Variants in LRRC37A2 observed in about 807,000 individuals in gnomAD.
The protein encoded by LRRC37A2 is leucine-rich repeat-containing protein 37A2.
Under a neutral mutation model 68.8 loss-of-function variants are expected in LRRC37A2, and 9 were observed. The observed-to-expected ratio is 0.13, with a 90% CI of 0.08 to 0.23. The LOEUF (loss-of-function observed/expected upper bound fraction) is 0.23. Among genes scored for constraint, LRRC37A2 ranks in the 10% least tolerant of loss-of-function variants. The probability of loss-of-function intolerance (pLI) is 1.00; values close to 1 mark genes in which losing one functional copy is unlikely to be tolerated. For missense variants in LRRC37A2, 168 were observed against 950.4 expected (o/e 0.18, Z 10.82); for synonymous variants, 63 against 367.6 (o/e 0.17, Z 9.48).
At chr17:47,038,527 AG>A in the LRRC37A2 span, among the ~76,000 whole-genome samples, 4 of 151,118 alleles carry the variant, frequency 2.6e-5, no homozygotes, top group East Asian at 7.8e-4. Flanking sequence ...ATAACGTTGT[AG>A]TTCAGATTAA....
At chr17:46,987,480 A>C in the LRRC37A2 span, among the ~76,000 whole-genome samples, 1 of 152,200 alleles carries the variant, frequency 6.6e-6, no homozygotes, top group Non-Finnish European at 1.5e-5. Context: ...TACAATAAGA[A>C]AAAAATTATA....
chr17:46,771,897 C>A, the LRRC37A2 span, among the ~76,000 whole-genome samples: 2 of 145,548 alleles, frequency 1.4e-5, no homozygotes, highest in Non-Finnish European at 3.1e-5. Flanking sequence ...CGCCCCTGCC[C>A]CCGCCCCCGC....
chr17:46,997,894 CA>C, the LRRC37A2 span, among the ~76,000 whole-genome samples: 4 of 150,316 alleles, frequency 2.7e-5, no homozygotes, highest in Admixed American at 2.7e-4. Context: ...TGTTTGAACC[CA>C]GGAGGCAGAG....
At chr17:46,808,967 TGGG>T in the LRRC37A2 span, among the ~76,000 whole-genome samples, 2 of 152,068 alleles carry the variant, frequency 1.3e-5, no homozygotes, top group African/African-American at 4.8e-5. Context: ...CTGAGCCAAG[TGGG>T]GTCCGAGCTG....
chr17:46,823,147 T>C, the LRRC37A2 span, among the ~76,000 whole-genome samples: 1 of 129,726 alleles, frequency 7.7e-6, no homozygotes, highest in Non-Finnish European at 1.6e-5. Context: ...TTATATTATA[T>C]ATATTTATAT....
chr17:47,000,075 A>T, the LRRC37A2 span, among the ~76,000 whole-genome samples: 7 of 6,660 alleles, frequency 1.1e-3, 2 homozygotes, highest in South Asian at 0.013. Flanking sequence ...AAAATAAAAT[A>T]AAAAATAAAA....
chr17:46,761,129 G>A, the LRRC37A2 span, among the ~76,000 whole-genome samples: 1 of 152,170 alleles, frequency 6.6e-6, no homozygotes, highest in African/African-American at 2.4e-5. Flanking sequence ...TATCCTGTAC[G>A]TGTCCGATTC....
At chr17:46,851,664 T>C in the LRRC37A2 span, 1 of 1,292,950 alleles carries the variant, frequency 7.7e-7, no homozygotes, top group Non-Finnish European at 9.8e-7. This position sits in a 1 kb window ranked among gnomAD's most constrained non-coding sequence, Gnocchi z 4.3. Flanking sequence ...GCGCTGGCCC[T>C]GGCCGGGCTC....
chr17:46,931,948 T>C, the LRRC37A2 span: 1 of 835,834 alleles, frequency 1.2e-6, no homozygotes, highest in Non-Finnish European at 2.1e-6. Context: ...GGGGGTATAG[T>C]GTGGGGTGGT....
chr17:46,819,529 T>C, the LRRC37A2 span, among the ~76,000 whole-genome samples: 1 of 151,966 alleles, frequency 6.6e-6, no homozygotes, highest in Non-Finnish European at 1.5e-5. This position sits in a 1 kb window ranked among gnomAD's most constrained non-coding sequence, Gnocchi z 5.3. Context: ...ACAGCCTCAG[T>C]GGGATTCTCG....
At chr17:46,498,868 T>C in the LRRC37A2 span, among the ~76,000 whole-genome samples, 109 of 150,916 alleles carry the variant, frequency 7.2e-4, 5 homozygotes, top group African/African-American at 2.6e-3. Context: ...AGACTTTCAA[T>C]GTATGTAGAT....
chr17:46,979,268 C>G, the LRRC37A2 span: 3 of 323,476 alleles, frequency 9.3e-6, 1 homozygote, highest in African/African-American at 4.3e-5. Context: ...AGCGGTCGCC[C>G]GCTGGGTTCC....
At chr17:46,772,130 C>T in the LRRC37A2 span, among the ~76,000 whole-genome samples, 2 of 152,156 alleles carry the variant, frequency 1.3e-5, no homozygotes, top group African/African-American at 4.8e-5. Flanking sequence ...CGGAGCTGGG[C>T]GCGAACCTGG....
At chr17:46,876,225 C>G in the LRRC37A2 span, 2 of 1,583,862 alleles carry the variant, frequency 1.3e-6, no homozygotes, top group African/African-American at 1.3e-5. Context: ...GACCACGCCT[C>G]TGTTCTGCCT....
At chr17:46,875,177 T>C in the LRRC37A2 span, 1 of 1,613,998 alleles carries the variant, frequency 6.2e-7, no homozygotes, top group Middle Eastern at 1.6e-4. Context: ...CCTGCAGCGC[T>C]GGGCGCATGG....
At chr17:46,739,370 C>CAAAAAAA in the LRRC37A2 span, among the ~76,000 whole-genome samples, 1 of 53,188 alleles carries the variant, frequency 1.9e-5, no homozygotes, top group Non-Finnish European at 3.0e-5. Flanking sequence ...GACTCTGTCT[C>CAAAAAAA]AAAAAAAAAA....
the LRRC37A2 span, among the ~76,000 whole-genome samples, chr17:46,574,941 C>CA: frequency 3.7e-5 from 2 of 54,136 alleles, no homozygotes; most frequent in Non-Finnish European, 8.8e-5. Context: ...ACCACAAATA[C>CA]AAAAATTAGC....
At chr17:46,770,874 A>G in the LRRC37A2 span, among the ~76,000 whole-genome samples, 448 of 152,336 alleles carry the variant, frequency 2.9e-3, 1 homozygote, top group African/African-American at 0.01. Flanking sequence ...AGATGTGGAC[A>G]TTGACGATTA....
At chr17:46,388,311 G>A in the LRRC37A2 span, among the ~76,000 whole-genome samples, 1 of 28,058 alleles carries the variant, frequency 3.6e-5, no homozygotes, top group African/African-American at 1.2e-4. Context: ...CACTTTGGGA[G>A]GCTGAGGTGG....
Sources: gnomAD v4.1 joint callset for allele counts (sites outside exome capture counted in the v4.1 genomes callset) on GRCh38, gnomAD v4.1.1 for gene constraint, Gnocchi (gnomAD v3.1) non-coding constraint, MANE v1.5 for transcripts, NCBI Gene and HGNC (gene_info 2026-07-23, HGNC 2026-07-21) for gene names.